Variants in IL12RB2 observed in about 807,000 individuals in gnomAD.
IL12RB2 encodes interleukin 12 receptor subunit beta 2.
Under a neutral mutation model 89.4 loss-of-function variants are expected in IL12RB2, and 82 were observed. That is an observed-to-expected ratio of 0.92 (90% CI 0.77 to 1.10). The LOEUF (loss-of-function observed/expected upper bound fraction) is 1.10, where lower values mean the gene tolerates loss of function less well. IL12RB2 is among the 50% of genes least tolerant of loss of function. The pLI is 0.00. For synonymous variants in IL12RB2, 368 were observed against 370.1 expected, an observed-to-expected ratio of 0.99 and a Z score of 0.07; for missense variants, 963 against 1,031.9, an observed-to-expected ratio of 0.93 and a Z score of 0.92.
chr1:67,330,824 A>G lies in IL12RB2; in HGVS notation c.958+14A>G, dbSNP rs749786719. 16 of 1,424,792 alleles carry G rather than the reference A, an allele frequency of 1.1e-5. No individual in the cohort carries two copies. The highest frequency in any genetic ancestry group is 1.5e-5 in the Non-Finnish European group (15 of 1,007,596). The allele number at this position is 1,424,792 out of a possible 1,614,324, so 88.3% of individuals were successfully genotyped here. A position where few individuals can be genotyped will look rare whatever the true frequency, so the allele number is the denominator to read the frequency against. The stretch of plus-strand genomic sequence containing the variant: ...CACCAGAAGAAGGTATATGTCCAAA[A>G]TATACATACCTATCGGGGAGCAATA... On this transcript the variant is annotated intron_variant, in intron 8 of 16. Transcript: ENST00000674203.
At chr1:67,307,806 G>A (rs1215762370), upstream of IL12RB2, 2 of 151,504 alleles carry the variant, frequency 1.3e-5, no homozygotes, top group Non-Finnish European at 2.9e-5. Flanking sequence ...CCCGGAGTTG[G>A]TGGCGCAGAG....
chr1:67,351,638 C>T (rs1384711408), intron 10 of IL12RB2, among the ~76,000 whole-genome samples: 1 of 152,084 alleles, frequency 6.6e-6, no homozygotes, highest in Non-Finnish European at 1.5e-5. Context: ...TCATCAAAAA[C>T]AAATAAATAA....
chr1:67,341,571 GAA>G (rs755414280), intron 9 of IL12RB2, among the ~76,000 whole-genome samples: 5 of 134,308 alleles, frequency 3.7e-5, no homozygotes, highest in Non-Finnish European at 3.3e-5. Context: ...AAGAAAGAAA[GAA>G]AGAAAGAAAG....
intron 9 of IL12RB2, among the ~76,000 whole-genome samples, chr1:67,347,560 A>T (rs150304502): frequency 4.6e-5 from 7 of 152,344 alleles, no homozygotes; most frequent in Non-Finnish European, 8.8e-5. Context: ...GAACTCTTAC[A>T]GTAGGTTTAC....
At chr1:67,370,838 C>T (rs554537285) in intron 11 of IL12RB2, among the ~76,000 whole-genome samples, 1 of 152,284 alleles carries the variant, frequency 6.6e-6, no homozygotes, top group African/African-American at 2.4e-5. Flanking sequence ...AGGGAAATGT[C>T]AACTGAATTA....
At chr1:67,309,107 G>A (rs1388213710) in intron 1 of IL12RB2, among the ~76,000 whole-genome samples, 1 of 151,656 alleles carries the variant, frequency 6.6e-6, no homozygotes, top group African/African-American at 2.4e-5. Context: ...AGCTAAATTA[G>A]TCCTTTTTTC....
intron 15 of IL12RB2, among the ~76,000 whole-genome samples, chr1:67,388,390 G>A (rs1665453738): frequency 6.6e-6 from 1 of 152,164 alleles, no homozygotes. Context: ...CTGTCGCCCA[G>A]GCTGGAGTGC....
intron 9 of IL12RB2, among the ~76,000 whole-genome samples, chr1:67,340,452 G>C (rs1378455215): frequency 6.6e-6 from 1 of 152,210 alleles, no homozygotes; most frequent in African/African-American, 2.4e-5. Context: ...CAGTGATCTG[G>C]AAAGATATGC....
intron 9 of IL12RB2, among the ~76,000 whole-genome samples, chr1:67,344,069 G>A (rs1659954331): frequency 6.6e-6 from 1 of 152,126 alleles, no homozygotes; most frequent in African/African-American, 2.4e-5. Context: ...GCAGTTCCAG[G>A]TTCAGGTGGA....
rs531604357 is a variant in IL12RB2, at chr1:67,343,209, T to A, written c.1038+4506T>A. On this transcript the variant is annotated intron_variant, in intron 9 of 16. Transcript: ENST00000674203. ...CTCAAGTGATCCTCCCACCTCAGCC[T>A]CCCAAGTAGCTGAGACTACAGGCAT... Among the ~76,000 whole-genome samples, 18 of 148,888 alleles carry A rather than the reference T, an allele frequency of 1.2e-4. No homozygotes were observed. In the East Asian group the frequency reaches 3.2e-3, roughly 26 times the overall value.
intron 8 of IL12RB2, among the ~76,000 whole-genome samples, chr1:67,336,052 C>CAAG (rs1323804813): frequency 1.2e-4 from 18 of 152,260 alleles, no homozygotes; most frequent in African/African-American, 4.3e-4. Context: ...TGCTGTGGTA[C>CAAG]AAGTCAACTG....
At chr1:67,337,124 C>G (rs1569872671) in intron 8 of IL12RB2, among the ~76,000 whole-genome samples, 1 of 152,212 alleles carries the variant, frequency 6.6e-6, no homozygotes, top group Non-Finnish European at 1.5e-5. Context: ...TGGGCCCACA[C>G]AGCACCTGCC....
intron 4 of IL12RB2, among the ~76,000 whole-genome samples, chr1:67,322,144 G>GA (rs1162417562): frequency 6.6e-6 from 1 of 151,986 alleles, no homozygotes; most frequent in African/African-American, 2.4e-5. Context: ...TCCAGTGGCA[G>GA]AAAAAATGGA....
intron 4 of IL12RB2, among the ~76,000 whole-genome samples, chr1:67,325,898 A>G (rs1354638082): frequency 2.0e-5 from 3 of 152,178 alleles, no homozygotes; most frequent in Non-Finnish European, 4.4e-5. Context: ...ATTTTGTCCA[A>G]AAAATTCCTA....
intron 15 of IL12RB2, 94 bp from the exon 16 acceptor site, chr1:67,389,935 C>A: frequency 1.3e-6 from 1 of 759,372 alleles, no homozygotes; most frequent in Non-Finnish European, 2.4e-6. Flanking sequence ...CATACAAAAG[C>A]AGCCCTTACA....
Position 67,333,299 on chromosome 1 carries a change from A to G in IL12RB2, c.958+2489A>G, listed in dbSNP as rs78607856. ...AAACACCAACTGATGTAAACGTAAAAGGTGTGAATTTTTTTTAACACGTCT... is the reference window on the plus strand; with the variant it reads ...AAACACCAACTGATGTAAACGTAAAGGGTGTGAATTTTTTTTAACACGTCT... On this transcript the variant is annotated intron_variant, in intron 8 of 16. Transcript: ENST00000674203. 5.0e-3 allele frequency among the ~76,000 whole-genome samples: 757 copies of G among 152,150 alleles called. 3 individuals are homozygous for G. Among genetic ancestry groups the G allele is most frequent in the African/African-American group, 0.016 (679 of 41,510 alleles).
At chr1:67,318,098 G>A (rs1453303478) in intron 2 of IL12RB2, among the ~76,000 whole-genome samples, 2 of 152,188 alleles carry the variant, frequency 1.3e-5, no homozygotes, top group Non-Finnish European at 2.9e-5. Flanking sequence ...AGACGCAAGG[G>A]AAGAGGATTC....
intron 11 of IL12RB2, among the ~76,000 whole-genome samples, chr1:67,372,061 T>C (rs920007778): frequency 1.2e-5 from 1 of 86,340 alleles, no homozygotes; most frequent in Middle Eastern, 5.9e-3. Flanking sequence ...AAAAGCAGTC[T>C]GGGTGCGTGT....
chr1:67,379,820 G>A (rs1244081275), intron 13 of IL12RB2, 166 bp from the exon 14 acceptor site: 2 of 623,314 alleles, frequency 3.2e-6, no homozygotes, highest in Non-Finnish European at 5.7e-6. Flanking sequence ...ACGATGTCTA[G>A]GGCCTATTAA....
Sources: allele counts gnomAD v4.1 joint callset (sites outside exome capture counted in the v4.1 genomes callset), GRCh38; gene constraint gnomAD v4.1.1; transcripts MANE v1.5; gene names NCBI Gene and HGNC (gene_info 2026-07-23, HGNC 2026-07-21).